CAMK2B: variants seen among roughly 807,000 people sequenced by gnomAD.
CAMK2B encodes the protein calcium/calmodulin-dependent protein kinase type II subunit beta.
Under a neutral mutation model 93.7 loss-of-function variants are expected in CAMK2B, and 27 were observed. The ratio of observed to expected loss-of-function variants is 0.29; its 90% confidence interval spans 0.21 to 0.40. CAMK2B has a LOEUF of 0.40. Ranked by LOEUF, CAMK2B falls within the 10% of genes least tolerant of loss-of-function variation. The pLI is 1.00. For synonymous variants in CAMK2B, 374 were observed against 358.8 expected (o/e 1.04, Z -0.48); for missense variants, 568 against 895.8 (o/e 0.63, Z 4.67).
At chr7:44,302,312 T>C (rs977824666) in intron 1 of CAMK2B, among the ~76,000 whole-genome samples, 1 of 152,206 alleles carries the variant, frequency 6.6e-6, no homozygotes. Flanking sequence ...TGGTGAATTC[T>C]ACCAAACATG....
At position 44,220,297 on chromosome 7, in the gene CAMK2B, G is replaced by A; in HGVS notation, c.1769-3C>T. On this transcript the variant is annotated splice_region_variant and splice_polypyrimidine_tract_variant and intron_variant, in intron 22 of 23. Transcript: ENST00000395749. The stretch of plus-strand genomic sequence containing the variant: ...CGGCTTGCTGTTCTTGGCCAGCACT[G>A]TGGACAGCAGGCGGGGCGGGGGTCT... 6.2e-7 allele frequency: 1 copy of A among 1,608,508 alleles called. No individual in the cohort carries two copies. The highest frequency in any genetic ancestry group is 8.5e-7 in the Non-Finnish European group (1 of 1,176,306).
chr7:44,220,906 G>T lies in CAMK2B; in HGVS notation c.1598-5C>A. 1 of 1,560,116 alleles carries T rather than the reference G, an allele frequency of 6.4e-7. No homozygotes were observed. Among genetic ancestry groups the T allele is most frequent in the East Asian group, 2.4e-5 (1 of 41,974 alleles). On this transcript the variant is annotated splice_polypyrimidine_tract_variant and splice_region_variant and intron_variant, in intron 20 of 23. Coordinates refer to ENST00000395749, the MANE Select transcript of CAMK2B (RefSeq NM_001220.5). ...TAATGATCTCCTGCTTCCGGGCTGT[G>T]GGGAGACATGGCCAGGTGACCACTG... is the stretch of plus-strand genomic sequence containing the variant.
At position 44,225,846 on chromosome 7, in the gene CAMK2B, C is replaced by G; in HGVS notation, c.1597+670G>C. 7.8e-7 allele frequency: 1 copy of G among 1,289,300 alleles called. No individual in the cohort carries two copies. The highest frequency in any genetic ancestry group is 1.0e-6 in the Non-Finnish European group (1 of 988,624). The allele number at this position is 1,289,300 out of a possible 1,614,324, so 79.9% of individuals were successfully genotyped here. On this transcript the variant is annotated intron_variant, in intron 20 of 23. Transcript: ENST00000395749. This position sits in a 1 kb window ranked among gnomAD's most constrained non-coding sequence, Gnocchi z 5.0. ...CTCCACACCACCCCCAGTCTGGTGTCTCCCCACAGGTGGGGGTGGCAGCAG... is the reference window on the plus strand; with the variant it reads ...CTCCACACCACCCCCAGTCTGGTGTGTCCCCACAGGTGGGGGTGGCAGCAG...
intron 4 of CAMK2B, among the ~76,000 whole-genome samples, chr7:44,255,140 A>G (rs2129014399): frequency 6.6e-6 from 1 of 152,142 alleles, no homozygotes; most frequent in Admixed American, 6.5e-5. Context: ...CGGTGCCTAA[A>G]TCTGGTCTCC....
chr7:44,241,575 AAC>A (rs1242034715), intron 11 of CAMK2B, 123 bp downstream of exon 11: 2 of 725,342 alleles, frequency 2.8e-6, no homozygotes, highest in Non-Finnish European at 4.8e-6. Flanking sequence ...GGGACTTGCT[AAC>A]AGTCAGTCTT....
chr7:44,324,914 G>C (rs1240588142), intron 1 of CAMK2B: 1 of 152,006 alleles, frequency 6.6e-6, no homozygotes, highest in African/African-American at 2.4e-5. Flanking sequence ...CCTGCCGCTC[G>C]GGTGGGGGTG....
chr7:44,316,731 C>T (rs1794908018), intron 1 of CAMK2B, among the ~76,000 whole-genome samples: 2 of 152,138 alleles, frequency 1.3e-5, no homozygotes, highest in South Asian at 4.1e-4. Context: ...TCTTCTTGAG[C>T]CAGATTCAGT....
intron 1 of CAMK2B, among the ~76,000 whole-genome samples, chr7:44,301,171 AGGCTGGAGT>A (rs1475164116): frequency 2.6e-5 from 4 of 152,214 alleles, no homozygotes; most frequent in Non-Finnish European, 4.4e-5. Context: ...TCTGTCATGC[AGGCTGGAGT>A]GCAGTGACAC....
intron 2 of CAMK2B, among the ~76,000 whole-genome samples, chr7:44,279,428 C>A (rs2097083730): frequency 6.6e-6 from 1 of 152,246 alleles, no homozygotes; most frequent in African/African-American, 2.4e-5. Context: ...AAGGGGTCGG[C>A]CTGCCCTCTG....
chr7:44,287,666 C>T (rs550754024), intron 1 of CAMK2B, among the ~76,000 whole-genome samples: 43 of 152,326 alleles, frequency 2.8e-4, no homozygotes, highest in African/African-American at 5.8e-4. Context: ...AGTGCTTGCC[C>T]GCCAGTGTTT....
In CAMK2B at chr7:44,325,521, G is replaced by C; in HGVS notation, c.-100C>G. 4.3e-6 allele frequency: 3 copies of C among 698,698 alleles called. No individual in the cohort carries two copies. Among genetic ancestry groups the C allele is most frequent in the Non-Finnish European group, 5.3e-6 (3 of 568,344 alleles). 43.3% of individuals were successfully genotyped at this position (698,698 alleles called of 1,614,324 possible). On this transcript the variant is annotated 5_prime_UTR_variant, in exon 1 of 24. Transcript: ENST00000395749. ...CGGCGGCGACACGGGCGCGGGCGCG[G>C]GAGACACCTCGGCTCGCGGCGCCAG... is the stretch of plus-strand genomic sequence containing the variant.
At chr7:44,230,047 G>A (rs976132965) in intron 17 of CAMK2B, 2 of 152,434 alleles carry the variant, frequency 1.3e-5, no homozygotes, top group Admixed American at 6.5e-5. Flanking sequence ...TCCCCTGCAG[G>A]ATCCAGGCTG....
intron 2 of CAMK2B, among the ~76,000 whole-genome samples, chr7:44,274,697 G>A (rs1444933421): frequency 6.6e-6 from 1 of 152,260 alleles, no homozygotes; most frequent in African/African-American, 2.4e-5. Flanking sequence ...GCCTGCCCTT[G>A]CTGGGCCTAC....
intron 2 of CAMK2B, among the ~76,000 whole-genome samples, chr7:44,279,548 C>G (rs1584533892): frequency 3.9e-5 from 6 of 152,294 alleles, no homozygotes; most frequent in Admixed American, 3.9e-4. Context: ...TGGCTGGCTA[C>G]CCCTTCCTCC....
chr7:44,307,290 G>T (rs552222949), intron 1 of CAMK2B, among the ~76,000 whole-genome samples: 1 of 142,514 alleles, frequency 7.0e-6, no homozygotes, highest in African/African-American at 2.6e-5. Flanking sequence ...GTGAGCAGAG[G>T]GAAGAGGGTG....
Position 44,224,655 on chromosome 7 carries a change from A to T in CAMK2B, c.1597+1861T>A, listed in dbSNP as rs578029298. On this transcript the variant is annotated intron_variant, in intron 20 of 23. Coordinates refer to ENST00000395749, the MANE Select transcript of CAMK2B (RefSeq NM_001220.5). The surrounding 1 kb of genome is among the most constrained non-coding windows in gnomAD (Gnocchi z 4.4). ...TCCTGGCCTGGACTCCTGGGACCCC[A>T]GGCTGGCCCCAAGCCCATCTCTCAG... 6.6e-6 allele frequency among the ~76,000 whole-genome samples: 1 copy of T among 152,280 alleles called. No individual in the cohort carries two copies. The highest frequency in any genetic ancestry group is 1.5e-5 in the Non-Finnish European group (1 of 68,014).
chr7:44,220,582 G>A lies in CAMK2B; in HGVS notation c.1768+34C>T, dbSNP rs541841685. 23 of 1,560,242 alleles carry A rather than the reference G, an allele frequency of 1.5e-5. 1 individual carries two copies. The Middle Eastern group carries it at 5.3e-4, about 36-fold the overall frequency. On this transcript the variant is annotated intron_variant, in intron 22 of 23. Transcript: ENST00000395749. Reference sequence around the variant, plus strand: ...GCCGAGAGGCTCTCCTGGGGGCACCGCCCCCTCATGCCCACCCGGGCTTCC... The same window carrying A: ...GCCGAGAGGCTCTCCTGGGGGCACCACCCCCTCATGCCCACCCGGGCTTCC...
At chr7:44,310,939 A>T (rs920620278) in intron 1 of CAMK2B, among the ~76,000 whole-genome samples, 2 of 152,052 alleles carry the variant, frequency 1.3e-5, no homozygotes, top group Non-Finnish European at 2.9e-5. Flanking sequence ...AAGACAGCAA[A>T]TTTTTCTGTT....
At chr7:44,220,589 C>A (rs1451063634) in intron 22 of CAMK2B, 27 bp downstream of exon 22, 1 of 1,591,692 alleles carries the variant, frequency 6.3e-7, no homozygotes, top group East Asian at 2.2e-5. Context: ...ACCGCCCCCT[C>A]ATGCCCACCC....
Sources: gnomAD v4.1 joint callset for allele counts (sites outside exome capture counted in the v4.1 genomes callset) on GRCh38, gnomAD v4.1.1 for gene constraint, Gnocchi (gnomAD v3.1) non-coding constraint, MANE v1.5 for transcripts, NCBI Gene and HGNC (gene_info 2026-07-23, HGNC 2026-07-21) for gene names.